MFHAS1: variants seen among roughly 807,000 people sequenced by gnomAD.
The protein encoded by MFHAS1 is malignant fibrous histiocytoma-amplified sequence 1.
In MFHAS1, 50 loss-of-function variants were observed where a neutral mutation model predicts 70.4. The ratio of observed to expected loss-of-function variants is 0.71; its 90% CI spans 0.57 to 0.90. The LOEUF is 0.90. Ranked by LOEUF, MFHAS1 falls within the 40% of genes least tolerant of loss-of-function variation. The probability of loss-of-function intolerance (pLI) is 0.00; values close to 1 mark genes in which losing one functional copy is unlikely to be tolerated. For missense variants in MFHAS1, 1,795 were observed against 1,347.6 expected (o/e 1.33, Z -5.20); for synonymous variants, 952 against 620.0 (o/e 1.54, Z -7.96).
chr8:8,799,394 T>C (rs1274341914), intron 1 of MFHAS1, among the ~76,000 whole-genome samples: 1 of 152,146 alleles, frequency 6.6e-6, no homozygotes, highest in African/African-American at 2.4e-5. Context: ...TCACAGAAAG[T>C]GAAACCATGG....
intron 1 of MFHAS1, among the ~76,000 whole-genome samples, chr8:8,867,626 C>T (rs1808911498): frequency 6.6e-6 from 1 of 151,224 alleles, no homozygotes; most frequent in Non-Finnish European, 1.5e-5. Flanking sequence ...GGCGCAATCT[C>T]GGCTCACCAA....
intron 1 of MFHAS1, among the ~76,000 whole-genome samples, chr8:8,853,095 CTA>C (rs1243052933): frequency 6.6e-6 from 1 of 152,124 alleles, no homozygotes; most frequent in Non-Finnish European, 1.5e-5. Flanking sequence ...AAGACCCCGA[CTA>C]TGCCCCTGCA....
At chr8:8,833,851 T>G (rs1807499740) in intron 1 of MFHAS1, among the ~76,000 whole-genome samples, 1 of 152,106 alleles carries the variant, frequency 6.6e-6, no homozygotes, top group South Asian at 2.1e-4. Flanking sequence ...AATGGAATAC[T>G]ACTCAACAAC....
intron 1 of MFHAS1, among the ~76,000 whole-genome samples, chr8:8,880,321 C>T (rs1358203297): frequency 6.6e-6 from 1 of 152,226 alleles, no homozygotes; most frequent in East Asian, 1.9e-4. Flanking sequence ...AGGTGCTTGG[C>T]TGAGATGTGG....
intron 1 of MFHAS1, among the ~76,000 whole-genome samples, chr8:8,803,465 C>T (rs1184993911): frequency 1.3e-4 from 19 of 149,492 alleles, no homozygotes; most frequent in Non-Finnish European, 2.2e-4. Flanking sequence ...TGCAGTGAGC[C>T]GAAATCGCAC....
intron 1 of MFHAS1, among the ~76,000 whole-genome samples, chr8:8,818,873 T>C (rs1806842135): frequency 6.6e-6 from 1 of 152,244 alleles, no homozygotes; most frequent in African/African-American, 2.4e-5. Context: ...CTATAAAGAA[T>C]ATCTAGCACT....
intron 1 of MFHAS1, among the ~76,000 whole-genome samples, chr8:8,850,633 G>T (rs1191288737): frequency 6.6e-6 from 1 of 151,974 alleles, no homozygotes; most frequent in Non-Finnish European, 1.5e-5. Context: ...CTAAGGTCAG[G>T]AGACCAGCCT....
intron 2 of MFHAS1, among the ~76,000 whole-genome samples, chr8:8,788,515 C>T (rs918305882): frequency 6.6e-6 from 1 of 152,154 alleles, no homozygotes; most frequent in Admixed American, 6.5e-5. Context: ...CCTGTCTCTA[C>T]TAAAAATGCA....
At position 8,892,809 on chromosome 8, in the gene MFHAS1, A is replaced by C; in HGVS notation, c.250T>G (p.Ser84Ala). 2 of 1,586,312 alleles carry C rather than the reference A, an allele frequency of 1.3e-6. No individual in the cohort carries two copies. Residue 84 changes from serine to alanine, a missense_variant, in exon 1 of 3, where the codon TCG becomes GCG. Ser to Ala is a moderately conservative substitution (Grantham distance 99). Transcript: ENST00000276282. This position sits in a 1 kb window ranked among gnomAD's most constrained non-coding sequence, Gnocchi z 4.7. ...AGGACGCGCAGGCTGCCCAGCGCCGACCCCAGCCCCTCGGGTACCTCCTCC... is the reference window on the plus strand; with the variant it reads ...AGGACGCGCAGGCTGCCCAGCGCCGCCCCCAGCCCCTCGGGTACCTCCTCC... ...GLEEVPEGLG[S>A]ALGSLRVLVL... is the part of the protein sequence containing the mutation.
At position 8,892,093 on chromosome 8, in the gene MFHAS1, G is replaced by C. The variant is rs141105946; in HGVS notation, c.966C>G (p.Leu322=). The C allele has an allele frequency of 1.2e-6, 2 of 1,613,344 alleles. No homozygotes were observed. The highest frequency in any genetic ancestry group is 1.3e-5 in the African/African-American group (1 of 74,920). The part of the protein sequence containing the change: ...PSLISGLGRL[L]TLWLDNNRIR... ...TGCGGTTATTATCCAGCCACAAGGT[G>C]AGAAGCCGGCCCAGGCCCGAGATAA... Residue 322 remains leucine, a synonymous_variant, in exon 1 of 3, where the codon CTC becomes CTG. Transcript: ENST00000276282. The surrounding 1 kb of genome is among the most constrained non-coding windows in gnomAD (Gnocchi z 4.7).
At chr8:8,886,123 G>C (rs563852633) in intron 1 of MFHAS1, among the ~76,000 whole-genome samples, 364 of 151,998 alleles carry the variant, frequency 2.4e-3, no homozygotes, top group African/African-American at 8.2e-3. Context: ...CTCTGACAAT[G>C]TGATTTATTT....
At chr8:8,834,865 C>A (rs183490072) in intron 1 of MFHAS1, among the ~76,000 whole-genome samples, 1 of 152,330 alleles carries the variant, frequency 6.6e-6, no homozygotes, top group Admixed American at 6.5e-5. Flanking sequence ...AGACATGCCA[C>A]TGGATATTTT....
intron 1 of MFHAS1, among the ~76,000 whole-genome samples, chr8:8,846,265 G>C (rs375492663): frequency 0.056 from 5,477 of 97,710 alleles, 184 homozygotes; most frequent in East Asian, 0.23. Flanking sequence ...AAAAAAAGGG[G>C]GGGGGGGAAG....
intron 1 of MFHAS1, among the ~76,000 whole-genome samples, chr8:8,867,868 T>A (rs571082394): frequency 6.6e-6 from 1 of 152,302 alleles, no homozygotes; most frequent in South Asian, 2.1e-4. Context: ...TAAATTGCTA[T>A]ACTTTTTTAG....
chr8:8,882,536 C>T (rs1299492006), intron 1 of MFHAS1, among the ~76,000 whole-genome samples: 1 of 152,164 alleles, frequency 6.6e-6, no homozygotes, highest in South Asian at 2.1e-4. Context: ...CACTTGAACC[C>T]GGGAAGCAGA....
chr8:8,837,779 T>C (rs191401266), intron 1 of MFHAS1, among the ~76,000 whole-genome samples: 48 of 152,000 alleles, frequency 3.2e-4, no homozygotes, highest in African/African-American at 1.1e-3. Context: ...AAATAACAAG[T>C]GTTAGCTAGG....
At chr8:8,807,534 T>C (rs1160000097) in intron 1 of MFHAS1, among the ~76,000 whole-genome samples, 3 of 152,208 alleles carry the variant, frequency 2.0e-5, no homozygotes, top group African/African-American at 7.2e-5. Flanking sequence ...GCCTTAGTAA[T>C]CTTCTTATTC....
rs1161471979 is a variant in MFHAS1, at chr8:8,784,114, C to A, written c.*1908G>T. The A allele has an allele frequency of 6.6e-6, 1 of 151,924 alleles. No individual in the cohort carries two copies. The highest frequency in any genetic ancestry group is 1.9e-4 in the East Asian group (1 of 5,194). 9.4% of individuals were successfully genotyped at this position (151,924 alleles called of 1,614,324 possible). A position where few individuals can be genotyped will look rare whatever the true frequency, so the allele number is the denominator to read the frequency against. On this transcript the variant is annotated 3_prime_UTR_variant, in exon 3 of 3. Transcript: ENST00000276282. ...AGCATTTTTGTCATTTAATATGGTC[C>A]CCGGGGAGTTAGCCCAAAATCATAC...
At chr8:8,864,119 T>C (rs1372549888) in intron 1 of MFHAS1, among the ~76,000 whole-genome samples, 3 of 152,248 alleles carry the variant, frequency 2.0e-5, no homozygotes, top group African/African-American at 4.8e-5. Context: ...CCCATCTCCA[T>C]GGCTGCAGTA....
Sources: gnomAD v4.1 joint callset for allele counts (sites outside exome capture counted in the v4.1 genomes callset) on GRCh38, gnomAD v4.1.1 for gene constraint, Gnocchi (gnomAD v3.1) non-coding constraint, MANE v1.5 for transcripts, NCBI Gene and HGNC (gene_info 2026-07-23, HGNC 2026-07-21) for gene names.